GALNT17: variants seen among roughly 807,000 people sequenced by gnomAD.
GALNT17 encodes UDP-GalNAc:polypeptide N-acetylgalactosaminyltransferase-like 3.
A neutral mutation model predicts 63.7 loss-of-function variants in GALNT17; 29 were observed. The ratio of observed to expected loss-of-function variants is 0.46; its 90% CI spans 0.34 to 0.62. The LOEUF (loss-of-function observed/expected upper bound fraction) is 0.62. GALNT17 is among the 20% of genes least tolerant of loss of function. The probability of loss-of-function intolerance (pLI) is 0.01; values close to 1 mark genes in which losing one functional copy is unlikely to be tolerated. For missense variants in GALNT17, 603 were observed against 799.6 expected, an observed-to-expected ratio of 0.75 and a Z score of 2.97; for synonymous variants, 305 against 318.3, an observed-to-expected ratio of 0.96 and a Z score of 0.45.
rs183613868 is a variant in GALNT17, at chr7:71,519,715, C to T, written c.963-51570C>T. The stretch of plus-strand genomic sequence containing the variant: ...CTGACCTCAGATGACGCACCTGCCT[C>T]GGCCTCCCAAAGTGCTGGGATTACA... On this transcript the variant is annotated intron_variant, in intron 5 of 10. Coordinates refer to ENST00000333538, the MANE Select transcript of GALNT17 (RefSeq NM_022479.3). Among the ~76,000 whole-genome samples, 139 of 152,264 alleles carry T rather than the reference C, an allele frequency of 9.1e-4. 6 individuals carry two copies. In the South Asian group the frequency reaches 0.015, roughly 17 times the overall value.
chr7:71,527,376 C>A (rs542511880), intron 5 of GALNT17, among the ~76,000 whole-genome samples: 1 of 152,266 alleles, frequency 6.6e-6, no homozygotes, highest in South Asian at 2.1e-4. Flanking sequence ...AATTTTCCCC[C>A]GATTATGTGA....
intron 2 of GALNT17, among the ~76,000 whole-genome samples, chr7:71,347,497 C>T (rs912626076): frequency 2.4e-4 from 37 of 152,142 alleles, no homozygotes; most frequent in Non-Finnish European, 1.2e-4. Flanking sequence ...GGCCATACCC[C>T]TTATCATCTT....
At chr7:71,565,227 G>T (rs369329047) in intron 5 of GALNT17, among the ~76,000 whole-genome samples, 2 of 151,732 alleles carry the variant, frequency 1.3e-5, no homozygotes, top group Non-Finnish European at 2.9e-5. Flanking sequence ...AGATGGCACC[G>T]CTGCACCCTA....
At chr7:71,158,026 A>G (rs1313140217) in intron 1 of GALNT17, among the ~76,000 whole-genome samples, 1 of 151,812 alleles carries the variant, frequency 6.6e-6, no homozygotes. Context: ...CCATTCATCC[A>G]TTAATGAGTA....
chr7:71,254,339 C>G (rs1336270871), intron 1 of GALNT17, among the ~76,000 whole-genome samples: 5 of 152,250 alleles, frequency 3.3e-5, no homozygotes, highest in Non-Finnish European at 7.4e-5. Flanking sequence ...TTACTTAATT[C>G]TCTCCTGGAT....
chr7:71,150,207 C>T (rs1048499334), intron 1 of GALNT17, among the ~76,000 whole-genome samples: 1 of 152,104 alleles, frequency 6.6e-6, no homozygotes, highest in South Asian at 2.1e-4. Flanking sequence ...AGGGAAAGAA[C>T]ATGTTTTTTT....
intron 5 of GALNT17, among the ~76,000 whole-genome samples, chr7:71,491,751 T>G (rs992285988): frequency 6.6e-6 from 1 of 152,186 alleles, no homozygotes; most frequent in African/African-American, 2.4e-5. Context: ...GGAGCAGGCC[T>G]GAGAATCTGC....
rs147991546 is a variant in GALNT17, at chr7:71,242,761, C to T, written c.239-92789C>T. Among the ~76,000 whole-genome samples the T allele has an allele frequency of 1.3e-3, 199 of 152,336 alleles. 2 individuals carry two copies. Among genetic ancestry groups the T allele is most frequent in the African/African-American group, 4.3e-3 (180 of 41,578 alleles). On this transcript the variant is annotated intron_variant, in intron 1 of 10. Coordinates refer to ENST00000333538, the MANE Select transcript of GALNT17 (RefSeq NM_022479.3). ...GGACTTTGCTGTGCAAGACTGCCAT[C>T]TTCCCTGGTAAAGCTGGTGTCATTT...
chr7:71,360,279 C>T (rs916915959), intron 2 of GALNT17, among the ~76,000 whole-genome samples: 19 of 152,116 alleles, frequency 1.2e-4, no homozygotes, highest in Non-Finnish European at 1.9e-4. Context: ...TTCATCCGAT[C>T]GACCAGATAT....
At chr7:71,163,047 G>A (rs1427549768) in intron 1 of GALNT17, among the ~76,000 whole-genome samples, 1 of 152,192 alleles carries the variant, frequency 6.6e-6, no homozygotes, top group Non-Finnish European at 1.5e-5. Context: ...ATGTTTGGAG[G>A]TAGTGAGAAG....
chr7:71,601,323 GTAGTTCTACTTT>G (rs1789964388), intron 6 of GALNT17, among the ~76,000 whole-genome samples: 1 of 152,088 alleles, frequency 6.6e-6, no homozygotes, highest in African/African-American at 2.4e-5. Context: ...GGATCAAATG[GTAGTTCTACTTT>G]TAGTTCCTTA....
rs1391721788 is a variant in GALNT17 at position 71,185,012 on chromosome 7, CT to C, written c.238+51973del. ...CCTTCCTTCCTTCTTCCTTCCCTCC[CT>C]CCCTCCTTCCTTCCTTCCTCTTCTC... On this transcript the variant is annotated intron_variant, in intron 1 of 10. Coordinates refer to ENST00000333538, the MANE Select transcript of GALNT17 (RefSeq NM_022479.3). Among the ~76,000 whole-genome samples, 20 of 129,518 alleles carry C rather than the reference CT, an allele frequency of 1.5e-4. 1 individual carries two copies. Among genetic ancestry groups the C allele is most frequent in the African/African-American group, 6.8e-4 (19 of 28,072 alleles). The allele number at this position is 129,518 out of a possible 152,430, so 85.0% of individuals were successfully genotyped here.
At chr7:71,360,080 GT>G (rs1792369721) in intron 2 of GALNT17, among the ~76,000 whole-genome samples, 1 of 152,156 alleles carries the variant, frequency 6.6e-6, no homozygotes, top group African/African-American at 2.4e-5. Context: ...CAGGTTCCAA[GT>G]TTCAAAGAAC....
At chr7:71,280,777 GTC>G (rs1790766009) in intron 1 of GALNT17, among the ~76,000 whole-genome samples, 1 of 152,162 alleles carries the variant, frequency 6.6e-6, no homozygotes, top group Admixed American at 6.5e-5. Context: ...TCCTAGGAAA[GTC>G]TCTGGTTTGG....
intron 5 of GALNT17, among the ~76,000 whole-genome samples, chr7:71,555,402 C>T (rs897046316): frequency 2.0e-5 from 3 of 150,996 alleles, no homozygotes; most frequent in Admixed American, 2.0e-4. Flanking sequence ...TCAAGATTCC[C>T]CAGGTGATCC....
At chr7:71,482,906 A>G (rs1475217309) in intron 5 of GALNT17, among the ~76,000 whole-genome samples, 1 of 152,126 alleles carries the variant, frequency 6.6e-6, no homozygotes, top group Non-Finnish European at 1.5e-5. Context: ...TGCTCCTATG[A>G]GAATCTAATG....
At position 71,305,430 on chromosome 7, in the gene GALNT17, A is replaced by C. The variant is rs114942220; in HGVS notation, c.239-30120A>C. On this transcript the variant is annotated intron_variant, in intron 1 of 10. Coordinates refer to ENST00000333538, the MANE Select transcript of GALNT17 (RefSeq NM_022479.3). ...TTCTTGTTTTCAACTAACCCACGGC[A>C]AGGATAAATTTTTCTACCCCCTGGG... 4.7e-3 allele frequency among the ~76,000 whole-genome samples: 709 copies of C among 152,294 alleles called. 4 individuals are homozygous for C. The highest frequency in any genetic ancestry group is 0.016 in the African/African-American group (683 of 41,578).
intron 2 of GALNT17, among the ~76,000 whole-genome samples, chr7:71,363,247 G>C (rs1792440078): frequency 1.3e-5 from 2 of 152,100 alleles, no homozygotes; most frequent in African/African-American, 4.8e-5. Flanking sequence ...GATTACAGTC[G>C]TGAGCCACTG....
chr7:71,526,602 C>A (rs1788628781), intron 5 of GALNT17, among the ~76,000 whole-genome samples: 3 of 152,162 alleles, frequency 2.0e-5, no homozygotes. Flanking sequence ...ACACTGCAAC[C>A]TTTGCCTCCT....
Sources: allele counts gnomAD v4.1 joint callset (sites outside exome capture counted in the v4.1 genomes callset), GRCh38; gene constraint gnomAD v4.1.1; transcripts MANE v1.5; gene names NCBI Gene and HGNC (gene_info 2026-07-23, HGNC 2026-07-21).